Variants in SLC25A13 observed in about 807,000 individuals in gnomAD.
The protein encoded by SLC25A13 is solute carrier family 25 member 13.
In SLC25A13, 70 loss-of-function variants were observed where a neutral mutation model predicts 85.5. That is an observed-to-expected ratio of 0.82 (90% CI 0.68 to 1.00). SLC25A13 has a LOEUF of 1.00. Ranked by LOEUF, SLC25A13 falls within the 50% of genes least tolerant of loss-of-function variation. The probability of loss-of-function intolerance (pLI) is 0.00; values close to 1 mark genes in which losing one functional copy is unlikely to be tolerated. For missense variants in SLC25A13, 765 were observed against 819.8 expected, an observed-to-expected ratio of 0.93 and a Z score of 0.82; for synonymous variants, 259 against 288.7, an observed-to-expected ratio of 0.90 and a Z score of 1.04.
At chr7:96,226,957 A>G (rs1040250613) in intron 4 of SLC25A13, among the ~76,000 whole-genome samples, 5 of 152,186 alleles carry the variant, frequency 3.3e-5, no homozygotes, top group African/African-American at 9.7e-5. Context: ...AAAATTTGAC[A>G]GTATTGGTAA....
intron 3 of SLC25A13, among the ~76,000 whole-genome samples, chr7:96,268,880 C>T (rs955163032): frequency 6.6e-6 from 1 of 152,196 alleles, no homozygotes. Flanking sequence ...TTCCCTCTGC[C>T]TGCAACTCTC....
intron 2 of SLC25A13, among the ~76,000 whole-genome samples, chr7:96,285,141 C>T (rs1283397983): frequency 6.6e-6 from 1 of 152,156 alleles, no homozygotes; most frequent in Non-Finnish European, 1.5e-5. Context: ...TGCACTCAGA[C>T]CGTATTTTCT....
At chr7:96,242,312 C>T (rs986588989) in intron 3 of SLC25A13, among the ~76,000 whole-genome samples, 4 of 152,146 alleles carry the variant, frequency 2.6e-5, no homozygotes, top group Non-Finnish European at 5.9e-5. Flanking sequence ...TTATCCAAAG[C>T]TTTGGTCTCC....
chr7:96,260,158 TA>T (rs1797799117), intron 3 of SLC25A13, among the ~76,000 whole-genome samples: 7 of 151,904 alleles, frequency 4.6e-5, no homozygotes, highest in Admixed American at 4.6e-4. Flanking sequence ...ACCTATGTAA[TA>T]AACCTGCACG....
At chr7:96,218,692 A>C (rs1795988933) in intron 4 of SLC25A13, among the ~76,000 whole-genome samples, 1 of 152,156 alleles carries the variant, frequency 6.6e-6, no homozygotes, top group African/African-American at 2.4e-5. Flanking sequence ...CTAAACCATA[A>C]TCTCTCTCTC....
In SLC25A13 at chr7:96,285,391, C is replaced by T. The variant is rs141185834; in HGVS notation, c.70-8053G>A. On this transcript the variant is annotated intron_variant, in intron 2 of 17. Coordinates refer to ENST00000265631, the MANE Select transcript of SLC25A13 (RefSeq NM_014251.3). ...TACCTTTCCAATCCTGTCACCCACA[C>T]CCTGTGATACTCAGCATACTTTGAG... Among the ~76,000 whole-genome samples, 8 of 152,322 alleles carry T rather than the reference C, an allele frequency of 5.3e-5. No homozygotes were observed. The East Asian group carries it at 1.3e-3, about 26-fold the overall frequency.
At chr7:96,264,084 C>T (rs1332110361) in intron 3 of SLC25A13, among the ~76,000 whole-genome samples, 1 of 152,118 alleles carries the variant, frequency 6.6e-6, no homozygotes, top group East Asian at 1.9e-4. Flanking sequence ...TACTCCCTTG[C>T]ACGCCCCTGC....
At chr7:96,170,671 G>T (rs974562453) in intron 12 of SLC25A13, among the ~76,000 whole-genome samples, 2 of 152,128 alleles carry the variant, frequency 1.3e-5, no homozygotes, top group African/African-American at 4.8e-5. Flanking sequence ...TGTAGTACAA[G>T]AAATTTTAAG....
chr7:96,159,383 T>G (rs1193944441), intron 13 of SLC25A13, among the ~76,000 whole-genome samples: 1 of 152,072 alleles, frequency 6.6e-6, no homozygotes, highest in Non-Finnish European at 1.5e-5. Flanking sequence ...AGAAATGAAG[T>G]CAAATGGATG....
chr7:96,186,447 G>A (rs1794648139), intron 9 of SLC25A13, among the ~76,000 whole-genome samples: 1 of 152,038 alleles, frequency 6.6e-6, no homozygotes. Flanking sequence ...AAAAAGTTAG[G>A]ATAGAAGATA....
At chr7:96,311,793 T>C (rs1799961263) in intron 1 of SLC25A13, among the ~76,000 whole-genome samples, 1 of 152,084 alleles carries the variant, frequency 6.6e-6, no homozygotes, top group Non-Finnish European at 1.5e-5. Context: ...AAAGAAGTAT[T>C]TCTTTCTGAC....
chr7:96,205,049 A>C (rs1795406285), intron 5 of SLC25A13, among the ~76,000 whole-genome samples: 1 of 152,136 alleles, frequency 6.6e-6, no homozygotes, highest in South Asian at 2.1e-4. Flanking sequence ...CTGGGATTAC[A>C]GGTGCACGCC....
intron 4 of SLC25A13, among the ~76,000 whole-genome samples, chr7:96,226,265 T>C (rs1472488294): frequency 6.6e-6 from 1 of 152,174 alleles, no homozygotes; most frequent in Non-Finnish European, 1.5e-5. Context: ...AGTAGAATCA[T>C]GTAATATTTG....
chr7:96,261,881 G>C (rs1054671924), intron 3 of SLC25A13, among the ~76,000 whole-genome samples: 1 of 152,188 alleles, frequency 6.6e-6, no homozygotes, highest in Non-Finnish European at 1.5e-5. Flanking sequence ...GCAAGGGAAA[G>C]AGACGGGGAA....
intron 15 of SLC25A13, among the ~76,000 whole-genome samples, chr7:96,131,043 C>T (rs1792007695): frequency 6.6e-6 from 1 of 152,138 alleles, no homozygotes; most frequent in Admixed American, 6.5e-5. Context: ...ATCCAGGCAT[C>T]CTGTGACCGC....
chr7:96,300,289 T>C (rs574126980), intron 1 of SLC25A13, among the ~76,000 whole-genome samples: 43 of 151,952 alleles, frequency 2.8e-4, no homozygotes, highest in African/African-American at 9.4e-4. Context: ...CATCCTCAAA[T>C]AGGGAGCAGG....
chr7:96,282,280 C>T (rs1221553404), intron 2 of SLC25A13, among the ~76,000 whole-genome samples: 1 of 152,038 alleles, frequency 6.6e-6, no homozygotes, highest in African/African-American at 2.4e-5. Flanking sequence ...TGCCCATACC[C>T]CGAGGGCAGG....
rs1451829243 is a variant in SLC25A13 at position 96,120,581 on chromosome 7, G to T, written c.*610C>A. 1 of 454,368 alleles carries T rather than the reference G, an allele frequency of 2.2e-6. No homozygotes were observed. Among genetic ancestry groups the T allele is most frequent in the African/African-American group, 2.0e-5 (1 of 49,984 alleles). 28.1% of individuals were successfully genotyped at this position (454,368 alleles called of 1,614,324 possible). A position where few individuals can be genotyped will look rare whatever the true frequency, so the allele number is the denominator to read the frequency against. On this transcript the variant is annotated 3_prime_UTR_variant, in exon 18 of 18. Transcript: ENST00000265631. ...CCTAAAGTACAAAGGCATTTCCCTA[G>T]TAGTCTTGGTACCAGTAACAATATG...
chr7:96,263,612 G>A (rs559115860), intron 3 of SLC25A13, among the ~76,000 whole-genome samples: 1 of 152,136 alleles, frequency 6.6e-6, no homozygotes, highest in South Asian at 2.1e-4. Context: ...TTGTTTCTGT[G>A]ATCTAATAAC....
Sources: gnomAD v4.1 joint callset for allele counts (sites outside exome capture counted in the v4.1 genomes callset) on GRCh38, gnomAD v4.1.1 for gene constraint, MANE v1.5 for transcripts, NCBI Gene and HGNC (gene_info 2026-07-23, HGNC 2026-07-21) for gene names.